The following RBFOX1 variants were observed in gnomAD, a reference collection of about 807,000 sequenced individuals.
The protein encoded by RBFOX1 is RNA binding fox-1 homolog 1, also known as RNA binding protein fox-1 homolog 1.
A neutral mutation model predicts 57.7 loss-of-function variants in RBFOX1; 8 were observed. The ratio of observed to expected loss-of-function variants is 0.14; its 90% CI spans 0.08 to 0.25. The LOEUF is 0.25. RBFOX1 is among the 10% of genes least tolerant of loss of function. The probability of loss-of-function intolerance (pLI) is 1.00; values close to 1 mark genes in which losing one functional copy is unlikely to be tolerated. For synonymous variants in RBFOX1, 326 were observed against 222.4 expected, an observed-to-expected ratio of 1.47 and a Z score of -4.15; for missense variants, 611 against 548.5, an observed-to-expected ratio of 1.11 and a Z score of -1.14.
chr16:5,979,266 C>T (rs763433646), intron 4 of RBFOX1, among the ~76,000 whole-genome samples: 2 of 152,082 alleles, frequency 1.3e-5, no homozygotes, highest in Non-Finnish European at 2.9e-5. Flanking sequence ...ATCTGATGAG[C>T]GTGAGAGGTA....
At chr16:5,893,441 G>A (rs1217205276) in intron 4 of RBFOX1, among the ~76,000 whole-genome samples, 2 of 152,314 alleles carry the variant, frequency 1.3e-5, no homozygotes, top group African/African-American at 2.4e-5. Context: ...GTATCACAAA[G>A]GATAAATGCT....
chr16:7,266,610 T>C (rs1938503760), intron 4 of RBFOX1, among the ~76,000 whole-genome samples: 1 of 152,156 alleles, frequency 6.6e-6, no homozygotes, highest in Non-Finnish European at 1.5e-5. Context: ...CGTTGGAGGT[T>C]AGGGCTTCCG....
chr16:6,917,380 G>T (rs1322623634), intron 3 of RBFOX1, among the ~76,000 whole-genome samples: 1 of 152,194 alleles, frequency 6.6e-6, no homozygotes, highest in Non-Finnish European at 1.5e-5. Context: ...AAGAGTTTCT[G>T]AACTTGAGTG....
At chr16:7,390,916 A>G (rs1003055770) in intron 4 of RBFOX1, among the ~76,000 whole-genome samples, 1 of 152,174 alleles carries the variant, frequency 6.6e-6, no homozygotes, top group Non-Finnish European at 1.5e-5. Flanking sequence ...GAATAAAAAA[A>G]GATCCAGGGA....
intron 3 of RBFOX1, among the ~76,000 whole-genome samples, chr16:6,822,717 C>T (rs2091513798): frequency 6.6e-6 from 1 of 152,178 alleles, no homozygotes; most frequent in Admixed American, 6.5e-5. Flanking sequence ...CTTTCTTCAG[C>T]AACTCAGGCT....
intron 1 of RBFOX1, among the ~76,000 whole-genome samples, chr16:6,176,328 T>TTC (rs1456157526): frequency 6.7e-6 from 1 of 148,176 alleles, no homozygotes; most frequent in East Asian, 2.0e-4. Context: ...TTTTTTTTTT[T>TTC]TTTTTTTTTT....
intron 4 of RBFOX1, among the ~76,000 whole-genome samples, chr16:7,245,011 C>A (rs1263100470): frequency 6.6e-6 from 1 of 152,184 alleles, no homozygotes; most frequent in Non-Finnish European, 1.5e-5. Flanking sequence ...TGCTCCTCAG[C>A]TGCATACCAT....
At chr16:6,581,780 C>T (rs2097540524) in intron 2 of RBFOX1, among the ~76,000 whole-genome samples, 1 of 152,192 alleles carries the variant, frequency 6.6e-6, no homozygotes. Flanking sequence ...AACTCTCAAA[C>T]TTTGTGAAAA....
At chr16:6,854,755 C>T (rs966800672) in intron 3 of RBFOX1, among the ~76,000 whole-genome samples, 6 of 151,762 alleles carry the variant, frequency 4.0e-5, no homozygotes, top group Non-Finnish European at 5.9e-5. Context: ...CCATTGCGCC[C>T]GGCTAATTTT....
chr16:5,487,563 G>T (rs1289481056), intron 2 of RBFOX1, among the ~76,000 whole-genome samples: 2 of 152,226 alleles, frequency 1.3e-5, no homozygotes, highest in African/African-American at 4.8e-5. Context: ...TGAAGGTACA[G>T]AGGCAATGTT....
At chr16:5,291,185 CA>C (rs1313091698) in intron 1 of RBFOX1, among the ~76,000 whole-genome samples, 1 of 151,980 alleles carries the variant, frequency 6.6e-6, no homozygotes, top group Non-Finnish European at 1.5e-5. Context: ...CCAGCTTCCC[CA>C]CTGGTGAAAT....
At chr16:6,681,891 A>T (rs944095100) in intron 3 of RBFOX1, among the ~76,000 whole-genome samples, 1 of 152,204 alleles carries the variant, frequency 6.6e-6, no homozygotes, top group Non-Finnish European at 1.5e-5. Flanking sequence ...CTCTTCTGCT[A>T]TTCTCCAGGA....
intron 1 of RBFOX1, among the ~76,000 whole-genome samples, chr16:5,369,250 C>A (rs2065801124): frequency 6.6e-6 from 1 of 152,216 alleles, no homozygotes; most frequent in Non-Finnish European, 1.5e-5. Flanking sequence ...GATCCACCCA[C>A]CTTGGTCTCC....
At chr16:6,297,341 C>G (rs28517562) in intron 1 of RBFOX1, among the ~76,000 whole-genome samples, 1 of 151,826 alleles carries the variant, frequency 6.6e-6, no homozygotes, top group African/African-American at 2.4e-5. Context: ...TGGAGTTGCT[C>G]TGGTTCACAC....
At chr16:7,351,676 G>A (rs1223680047) in intron 4 of RBFOX1, among the ~76,000 whole-genome samples, 2 of 151,944 alleles carry the variant, frequency 1.3e-5, no homozygotes, top group African/African-American at 4.8e-5. Flanking sequence ...TCGCTTCCTG[G>A]GTTTGCCTTA....
intron 2 of RBFOX1, among the ~76,000 whole-genome samples, chr16:6,525,489 C>G (rs1298746319): frequency 6.6e-6 from 1 of 152,168 alleles, no homozygotes; most frequent in Non-Finnish European, 1.5e-5. Context: ...GGAGCAAATG[C>G]ATGTTTCACT....
At chr16:7,386,695 C>T (rs568534530) in intron 4 of RBFOX1, among the ~76,000 whole-genome samples, 1 of 152,156 alleles carries the variant, frequency 6.6e-6, no homozygotes, top group South Asian at 2.1e-4. Flanking sequence ...CATACGTGTG[C>T]ATGTATCTTT....
At chr16:7,280,486 A>G (rs1273969295) in intron 4 of RBFOX1, among the ~76,000 whole-genome samples, 3 of 152,218 alleles carry the variant, frequency 2.0e-5, no homozygotes, top group Admixed American at 2.0e-4. Context: ...AGGGAGGCCC[A>G]TGTGCCTCTG....
In RBFOX1 at chr16:6,289,742, C is replaced by T. The variant is rs183588070; in HGVS notation, c.-126-27253C>T. ...TGGTTGCATCCTGGGGGGAAAATGC[C>T]TTCCCAGGCAATTTGAGCAAACAAA... On this transcript the variant is annotated intron_variant, in intron 1 of 15. Transcript: ENST00000550418. 6.2e-4 allele frequency among the ~76,000 whole-genome samples: 94 copies of T among 152,218 alleles called. 1 individual carries two copies. Among genetic ancestry groups the T allele is most frequent in the Admixed American group, 2.1e-3 (32 of 15,280 alleles).
Sources: gnomAD v4.1 joint callset for allele counts (sites outside exome capture counted in the v4.1 genomes callset) on GRCh38, gnomAD v4.1.1 for gene constraint, MANE v1.5 for transcripts, NCBI Gene and HGNC (gene_info 2026-07-23, HGNC 2026-07-21) for gene names.